Variants in LRP4 observed in about 807,000 individuals in gnomAD.
LRP4 encodes the protein low-density lipoprotein receptor-related protein 4.
LRP4 carries 95 observed loss-of-function variants against 220.3 expected under a neutral mutation model. The ratio of observed to expected loss-of-function variants is 0.43; its 90% CI spans 0.37 to 0.51. The LOEUF is 0.51. Among genes scored for constraint, LRP4 ranks in the 20% least tolerant of loss-of-function variants. The pLI is 0.00. For synonymous variants in LRP4, 903 were observed against 954.6 expected, an observed-to-expected ratio of 0.95 and a Z score of 1.00; for missense variants, 1,925 against 2,567.0, an observed-to-expected ratio of 0.75 and a Z score of 5.40.
intron 12 of LRP4, among the ~76,000 whole-genome samples, chr11:46,894,232 C>G (rs964801214): frequency 2.6e-5 from 4 of 152,080 alleles, no homozygotes; most frequent in African/African-American, 9.7e-5. Flanking sequence ...ATATACTTAT[C>G]CAGGTCAATC....
At chr11:46,867,216 G>A (rs1281880041) in intron 34 of LRP4, among the ~76,000 whole-genome samples, 1 of 150,880 alleles carries the variant, frequency 6.6e-6, no homozygotes, top group Admixed American at 6.6e-5. Context: ...AATGGTGTTT[G>A]TGTGTGTGTG....
At chr11:46,898,408 A>T (rs1941588484) in intron 7 of LRP4, 150 bp downstream of exon 7, 3 of 1,029,076 alleles carry the variant, frequency 2.9e-6, no homozygotes, top group Admixed American at 3.5e-5. Flanking sequence ...CTGGTCTTGA[A>T]CTCCTGACCT....
At chr11:46,885,687 C>T (rs570955022) in intron 18 of LRP4, among the ~76,000 whole-genome samples, 12 of 148,582 alleles carry the variant, frequency 8.1e-5, no homozygotes, top group Admixed American at 1.4e-4. Flanking sequence ...CAGGAGAAAA[C>T]AGCATGAACC....
At chr11:46,914,632 G>C (rs1941919646) in intron 1 of LRP4, among the ~76,000 whole-genome samples, 2 of 152,188 alleles carry the variant, frequency 1.3e-5, no homozygotes, top group South Asian at 4.1e-4. Context: ...ACACAGTCTG[G>C]GGCCCAGATG....
rs1941290539 is a variant in LRP4 at position 46,886,261 on chromosome 11, TATGGGAAGCCCTTC to T, written c.2424+50_2424+63del. ...CACCAATTCTCAAGGTTGGCAAAGG[TATGGGAAGCCCTTC>T]CCTGGAGAGGGTGGATTCCACCCTT... On this transcript the variant is annotated intron_variant, in intron 17 of 37. Transcript: ENST00000378623. The T allele has an allele frequency of 1.9e-6, 3 of 1,601,434 alleles. No individual in the cohort carries two copies. In the African/African-American group the frequency reaches 4.0e-5, roughly 21 times the overall value.
chr11:46,885,009 A>G (rs1941253335), intron 18 of LRP4, among the ~76,000 whole-genome samples: 3 of 152,116 alleles, frequency 2.0e-5, no homozygotes, highest in Admixed American at 2.0e-4. Flanking sequence ...TTTTGGAGAC[A>G]GGCTCTTGCT....
Position 46,899,326 on chromosome 11 carries a change from C to T in LRP4, c.547+61G>A. On this transcript the variant is annotated intron_variant, in intron 5 of 37. Coordinates refer to ENST00000378623, the MANE Select transcript of LRP4 (RefSeq NM_002334.4). This position sits in a 1 kb window ranked among gnomAD's most constrained non-coding sequence, Gnocchi z 5.9. ...ATGCACTCCTCAGCCTCGCCCTTAG[C>T]CAATGGGCAGAACTGTCTGCCCTCA... 1 of 1,341,216 alleles carries T rather than the reference C, an allele frequency of 7.5e-7. No individual in the cohort carries two copies. Among genetic ancestry groups the T allele is most frequent in the Non-Finnish European group, 1.1e-6 (1 of 932,128 alleles). The allele number at this position is 1,341,216 out of a possible 1,614,324, so 83.1% of individuals were successfully genotyped here.
chr11:46,895,409 G>T, intron 10 of LRP4, 118 bp from the exon 11 acceptor site: 2 of 1,423,202 alleles, frequency 1.4e-6, no homozygotes, highest in Non-Finnish European at 2.0e-6. Context: ...CTAGTGGGAA[G>T]GCTGTCTAAG....
At position 46,875,882 on chromosome 11, in the gene LRP4, G is replaced by A; in HGVS notation, c.3621C>T (p.Asn1207=). ...MDGSDRAVLI[N]NNLGWPNGLT... ...GTCCATTGGGCCATCCTAGGTTGTT[G>A]TTGATGAGCACCGCGCGGTCTGAGC... The change falls in exon 26 of 38, where the codon AAC becomes AAT. Residue 1207 remains asparagine, a synonymous_variant. Coordinates refer to ENST00000378623, the MANE Select transcript of LRP4 (RefSeq NM_002334.4). This position sits in a 1 kb window ranked among gnomAD's most constrained non-coding sequence, Gnocchi z 4.5. 1 of 1,614,114 alleles carries A rather than the reference G, an allele frequency of 6.2e-7. No individual in the cohort carries two copies. Among genetic ancestry groups the A allele is most frequent in the Non-Finnish European group, 8.5e-7 (1 of 1,180,014 alleles).
In LRP4 at chr11:46,858,708, A is replaced by T. The variant is rs1940445627; in HGVS notation, c.*275T>A. ...AGCTCTACGCTGGTGAGGAATCACG[A>T]ATAAGCAGTTTCAGGGGGCCCAGGA... On this transcript the variant is annotated 3_prime_UTR_variant, in exon 38 of 38. Coordinates refer to ENST00000378623, the MANE Select transcript of LRP4 (RefSeq NM_002334.4). 29 of 485,734 alleles carry T rather than the reference A, an allele frequency of 6.0e-5. No homozygotes were observed. The highest frequency in any genetic ancestry group is 5.6e-4 in the South Asian group (28 of 49,734). The allele number at this position is 485,734 out of a possible 1,614,324, so 30.1% of individuals were successfully genotyped here.
At chr11:46,892,823 G>A in intron 13 of LRP4, 150 bp downstream of exon 13, 1 of 886,580 alleles carries the variant, frequency 1.1e-6, no homozygotes. Context: ...GCCCGCCTTG[G>A]CCTCCCAAAG....
intron 31 of LRP4, 136 bp from the exon 32 acceptor site, chr11:46,869,268 T>A: frequency 1.2e-6 from 1 of 820,852 alleles, no homozygotes; most frequent in Non-Finnish European, 2.0e-6. Flanking sequence ...TTTCTGTGCA[T>A]CAACAGACAT....
rs1358126860 is a variant in LRP4, at chr11:46,890,017, G to A, written c.2019C>T (p.Asn673=). The change falls in exon 15 of 38, where the codon AAC becomes AAT. Residue 673 remains asparagine, a synonymous_variant. Transcript: ENST00000378623. The surrounding 1 kb of genome is among the most constrained non-coding windows in gnomAD (Gnocchi z 5.3). ...INSANKFTGK[N]QEIIRNKLHF... is the part of the protein sequence containing the mutation. Reference sequence around the variant, plus strand: ...GGAGTTTGTTGCGAATGATTTCCTGGTTCTTCCCCGTAAATTTGTTAGCGC... The same window carrying A: ...GGAGTTTGTTGCGAATGATTTCCTGATTCTTCCCCGTAAATTTGTTAGCGC... 2 of 1,614,106 alleles carry A rather than the reference G, an allele frequency of 1.2e-6. No individual in the cohort carries two copies. Among genetic ancestry groups the A allele is most frequent in the South Asian group, 2.2e-5 (2 of 91,078 alleles).
chr11:46,911,277 A>T (rs1261286086), intron 1 of LRP4, among the ~76,000 whole-genome samples: 1 of 152,088 alleles, frequency 6.6e-6, no homozygotes, highest in African/African-American at 2.4e-5. Context: ...CTTTGTATAG[A>T]TCCTCAAAAT....
chr11:46,871,600 G>C lies in LRP4; in HGVS notation c.4617C>G (p.Ile1539Met). The change falls in exon 31 of 38, where the codon ATC (isoleucine) becomes ATG (methionine). Residue 1539 changes from isoleucine (I) to methionine (M), a missense_variant. This residue lies in a region of LRP4 where 1,244 missense variants were observed against 1,624.9 expected (regional missense o/e 0.77). Coordinates refer to ENST00000378623, the MANE Select transcript of LRP4 (RefSeq NM_002334.4). ...GTTTCCCATTGAGGTCAGCACTCTC[G>C]ATCCGGTCCAGATGCGCATCCACCC... ...IYWVDAHLDR[I>M]ESADLNGKLR... 1.2e-6 allele frequency: 2 copies of C among 1,612,766 alleles called. No individual in the cohort carries two copies. Among genetic ancestry groups the C allele is most frequent in the Non-Finnish European group, 1.7e-6 (2 of 1,179,372 alleles).
chr11:46,905,274 T>A (rs1941741199), intron 1 of LRP4, among the ~76,000 whole-genome samples: 1 of 152,222 alleles, frequency 6.6e-6, no homozygotes. Context: ...TTCAGTAGTA[T>A]GACAGGCTCA....
Position 46,873,438 on chromosome 11 carries a change from C to T in LRP4, c.4385G>A (p.Arg1462His), listed in dbSNP as rs777932389. The T allele has an allele frequency of 1.4e-5, 22 of 1,614,048 alleles. No individual in the cohort carries two copies. The East Asian group carries it at 1.8e-4, about 13-fold the overall frequency. ...IEASRLDGSC[R>H]KVLINNSLDE... ...CAGGCTATTGTTGATCAGTACTTTG[C>T]GGCAGGAACCATCCAGCCTGGACGC... Residue 1462 changes from arginine to histidine, a missense_variant, in exon 29 of 38, where the codon CGC becomes CAC. Physicochemically the swap from Arg to His is conservative, Grantham distance 29 (BLOSUM62 0). Transcript: ENST00000378623. This position sits in a 1 kb window ranked among gnomAD's most constrained non-coding sequence, Gnocchi z 4.2.
chr11:46,900,530 G>A (rs2134865975), intron 2 of LRP4, 152 bp from the exon 3 acceptor site: 2 of 676,538 alleles, frequency 3.0e-6, no homozygotes, highest in Non-Finnish European at 5.4e-6. Context: ...GGAGTACAGT[G>A]GCGCAATCTT....
chr11:46,897,129 T>C, intron 7 of LRP4, 135 bp from the exon 8 acceptor site: 1 of 1,152,186 alleles, frequency 8.7e-7, no homozygotes, highest in Non-Finnish European at 1.3e-6. Flanking sequence ...ATATAGTGTC[T>C]TTGTGTGAAT....
Sources: allele counts gnomAD v4.1 joint callset (sites outside exome capture counted in the v4.1 genomes callset), GRCh38; gene constraint gnomAD v4.1.1; regional missense constraint gnomAD v4.1.1; non-coding constraint Gnocchi (gnomAD v3.1); transcripts MANE v1.5; gene names NCBI Gene and HGNC (gene_info 2026-07-23, HGNC 2026-07-21).